BRD2: variants seen among roughly 807,000 people sequenced by gnomAD.
BRD2 encodes the protein bromodomain-containing protein 2.
BRD2 carries 15 observed loss-of-function variants against 79.1 expected under a neutral mutation model. The observed-to-expected ratio is 0.19, with a 90% CI of 0.13 to 0.29. The LOEUF (loss-of-function observed/expected upper bound fraction) is 0.29. BRD2 is among the 10% of genes least tolerant of loss of function. BRD2 has a pLI of 1.00. For synonymous variants in BRD2, 488 were observed against 358.6 expected (o/e 1.36, Z -4.08); for missense variants, 1,053 against 991.3 (o/e 1.06, Z -0.84).
chr6:32,979,061 G>GT (rs1561957386), intron 10 of BRD2: 1,403 of 78,900 alleles, frequency 0.018, 17 homozygotes, highest in Middle Eastern at 0.037. Flanking sequence ...TTTTTTGTTA[G>GT]TTTGTTTTTT....
intron 2 of BRD2, 117 bp downstream of exon 2, chr6:32,973,044 T>C (rs2127503719): frequency 6.2e-7 from 1 of 1,608,968 alleles, no homozygotes; most frequent in Admixed American, 1.7e-5. Flanking sequence ...GCGGCGCAGC[T>C]GTCGACTCGG....
rs1284075795 is a variant in BRD2 at position 32,981,316 on chromosome 6, G to C, written c.*598G>C. 4 of 152,038 alleles carry C rather than the reference G, an allele frequency of 2.6e-5. No individual in the cohort carries two copies. The highest frequency in any genetic ancestry group is 6.5e-5 in the Admixed American group (1 of 15,280). The allele number at this position is 152,038 out of a possible 1,614,324, so 9.4% of individuals were successfully genotyped here. A position where few individuals can be genotyped will look rare whatever the true frequency, so the allele number is the denominator to read the frequency against. ...ATAAAGAAAATATTATTCAAGTTTT[G>C]AGTTACCTTAATATTTGCTTTTGTA... On this transcript the variant is annotated 3_prime_UTR_variant, in exon 13 of 13. Transcript: ENST00000374825.
Position 32,978,141 on chromosome 6 carries a change from G to C in BRD2, c.1594G>C (p.Glu532Gln). The C allele has an allele frequency of 2.5e-6, 4 of 1,611,868 alleles. No individual in the cohort carries two copies. Among genetic ancestry groups the C allele is most frequent in the South Asian group, 1.1e-5 (1 of 90,966 alleles). ...ELQEQLRAVH[E>Q]QLAALSQGPI... is the part of the protein sequence containing the mutation. Reference sequence around the variant, plus strand: ...TTTCCTTTAGCTTCGGGCAGTACATGAACAACTGGCTGCTCTGTCCCAGGG... The same window carrying C: ...TTTCCTTTAGCTTCGGGCAGTACATCAACAACTGGCTGCTCTGTCCCAGGG... Residue 532 changes from glutamate (E) to glutamine (Q), a missense_variant, in exon 10 of 13, where the codon GAA becomes CAA. By Grantham distance (29) the Glu-to-Gln change is conservative (BLOSUM62 2). Transcript: ENST00000374825.
At position 32,976,103 on chromosome 6, in the gene BRD2, C is replaced by G. The variant is rs200486677; in HGVS notation, c.544C>G (p.Gln182Glu). ...IFLQKVASMP[Q>E]EEQELVVTIP... ...CCTACAGAAGGTTGCATCAATGCCACAAGAAGAACAAGAGCTGGTAGTGAC... is the reference window on the plus strand; with the variant it reads ...CCTACAGAAGGTTGCATCAATGCCAGAAGAAGAACAAGAGCTGGTAGTGAC... The change falls in exon 5 of 13, where the codon CAA (glutamine) becomes GAA (glutamate). Residue 182 changes from glutamine (Q) to glutamate (E), a missense_variant. Transcript: ENST00000374825. The G allele has an allele frequency of 2.5e-5, 41 of 1,612,846 alleles. No individual in the cohort carries two copies. The highest frequency in any genetic ancestry group is 3.5e-5 in the Non-Finnish European group (41 of 1,180,012).
chr6:32,969,072 T>G lies in BRD2; in HGVS notation c.-1305+16T>G. ...TAGGATCCAGGTGAGAAGGGGCCCT[T>G]GTGGGGCGGAGATGTCAGTCAAGTG... On this transcript the variant is annotated intron_variant, in intron 1 of 12. Transcript: ENST00000374825. The G allele has an allele frequency of 1.3e-5, 6 of 457,856 alleles. No homozygotes were observed. Among genetic ancestry groups the G allele is most frequent in the Non-Finnish European group, 1.2e-5 (3 of 250,178 alleles). 28.4% of individuals were successfully genotyped at this position (457,856 alleles called of 1,614,324 possible).
At chr6:32,973,889 C>T (rs1778364626) in intron 2 of BRD2, among the ~76,000 whole-genome samples, 2 of 152,094 alleles carry the variant, frequency 1.3e-5, no homozygotes, top group African/African-American at 4.8e-5. Flanking sequence ...TGATATGGTT[C>T]TTCCTCTGGG....
At position 32,974,755 on chromosome 6, in the gene BRD2, T is replaced by C. The variant is rs1778500133; in HGVS notation, c.323T>C (p.Leu108Pro). 2 of 1,613,632 alleles carry C rather than the reference T, an allele frequency of 1.2e-6. No individual in the cohort carries two copies. Among genetic ancestry groups the C allele is most frequent in the Non-Finnish European group, 8.5e-7 (1 of 1,179,800 alleles). The change falls in exon 3 of 13, where the codon CTG becomes CCG. Residue 108 changes from leucine (L) to proline (P), a missense_variant. By Grantham distance (98) the Leu-to-Pro change is moderately conservative (BLOSUM62 -3). Around this residue, in one of 5 missense-constraint regions of BRD2, gnomAD observed 413 missense variants for 335.1 expected, o/e 1.23. Coordinates refer to ENST00000374825, the MANE Select transcript of BRD2 (RefSeq NM_005104.4). ...PFRQPVDAVK[L>P]GLPDYHKIIK... ...CGGCAGCCTGTGGATGCTGTCAAACTGGGTCTACCGGTGAGTAGAGACATT... is the reference window on the plus strand; with the variant it reads ...CGGCAGCCTGTGGATGCTGTCAAACCGGGTCTACCGGTGAGTAGAGACATT...
chr6:32,973,256 G>T, intron 2 of BRD2: 2 of 1,135,310 alleles, frequency 1.8e-6, no homozygotes, highest in Admixed American at 2.3e-5. Flanking sequence ...CTGGTATCTA[G>T]CGGCGGTCTG....
rs548099697 is a variant in BRD2, at chr6:32,977,693, C to T, written c.1330-64C>T. ...ACAGTTGTAAATTGGAGCTATATCACTTGGTGGCTGGGTATGTAGGGCACT... is the reference window on the plus strand; with the variant it reads ...ACAGTTGTAAATTGGAGCTATATCATTTGGTGGCTGGGTATGTAGGGCACT... On this transcript the variant is annotated intron_variant, in intron 8 of 12. Coordinates refer to ENST00000374825, the MANE Select transcript of BRD2 (RefSeq NM_005104.4). 45 of 1,606,078 alleles carry T rather than the reference C, an allele frequency of 2.8e-5. No individual in the cohort carries two copies. The Admixed American group carries it at 3.0e-4, about 11-fold the overall frequency.
At position 32,980,103 on chromosome 6, in the gene BRD2, G is replaced by T; in HGVS notation, c.2117G>T (p.Cys706Phe). The T allele has an allele frequency of 6.2e-7, 1 of 1,612,250 alleles. No individual in the cohort carries two copies. The highest frequency in any genetic ancestry group is 8.5e-7 in the Non-Finnish European group (1 of 1,179,888). The change falls in exon 11 of 13, where the codon TGC (cysteine) becomes TTC (phenylalanine). Residue 706 changes from cysteine to phenylalanine, a missense_variant. Cys to Phe is a radical substitution (Grantham distance 205). Around this residue, in one of 5 missense-constraint regions of BRD2, gnomAD observed 139 missense variants for 133.2 expected, o/e 1.04. Coordinates refer to ENST00000374825, the MANE Select transcript of BRD2 (RefSeq NM_005104.4). Reference protein sequence around the residue: ...LRELERYVLSCLRKKPRKPYT... With the variant: ...LRELERYVLSFLRKKPRKPYT... ...GAGCTTGAGCGCTATGTCCTTTCCT[G>T]CCTACGTAAGAAACCCCGGAAGCCC...
chr6:32,973,139 T>C (rs1216502185), intron 2 of BRD2: 2 of 1,549,222 alleles, frequency 1.3e-6, no homozygotes, highest in Non-Finnish European at 1.7e-6. Context: ...GGTTGTCAAT[T>C]TATACGCTAT....
Position 32,972,056 on chromosome 6 carries a change from C to A in BRD2, c.-843C>A. On this transcript the variant is annotated 5_prime_UTR_variant, in exon 2 of 13. Coordinates refer to ENST00000374825, the MANE Select transcript of BRD2 (RefSeq NM_005104.4). ...CTCCCGCGGAGAGGTGTTCCTTCCC[C>A]TTCGACTCAGCTTCTTCACCCGCGT... is the stretch of plus-strand genomic sequence containing the variant. The A allele has an allele frequency of 1.4e-6, 1 of 700,460 alleles. No individual in the cohort carries two copies. Among genetic ancestry groups the A allele is most frequent in the Non-Finnish European group, 2.6e-6 (1 of 384,168 alleles). 43.4% of individuals were successfully genotyped at this position (700,460 alleles called of 1,614,324 possible). A position where few individuals can be genotyped will look rare whatever the true frequency, so the allele number is the denominator to read the frequency against.
At chr6:32,975,946 C>G in intron 4 of BRD2, 85 bp from the exon 5 acceptor site, 1 of 1,458,432 alleles carries the variant, frequency 6.9e-7, no homozygotes, top group Non-Finnish European at 9.2e-7. Flanking sequence ...TGGCCTAGGG[C>G]CTGAATGCCT....
Position 32,972,721 on chromosome 6 carries a change from C to T in BRD2, c.-178C>T. The T allele has an allele frequency of 1.1e-6, 1 of 905,292 alleles. No homozygotes were observed. Among genetic ancestry groups the T allele is most frequent in the Non-Finnish European group, 1.7e-6 (1 of 595,754 alleles). 56.1% of individuals were successfully genotyped at this position (905,292 alleles called of 1,614,324 possible). A position where few individuals can be genotyped will look rare whatever the true frequency, so the allele number is the denominator to read the frequency against. The stretch of plus-strand genomic sequence containing the variant: ...AGCGCGCCAAGCTGCCCGGAGCTCT[C>T]CGAGAGGCCCCAAAGAGACTGCTTT... On this transcript the variant is annotated 5_prime_UTR_variant, in exon 2 of 13. Coordinates refer to ENST00000374825, the MANE Select transcript of BRD2 (RefSeq NM_005104.4).
chr6:32,981,191 CTG>C lies in BRD2; in HGVS notation c.*475_*476del, dbSNP rs199828295. ...TTACGTTGATTTTTTTTTTTCTACTCTGTTTTCCCTTTTTCCTTCCGCTCCAT... is the reference window on the plus strand; with the variant it reads ...TTACGTTGATTTTTTTTTTTCTACTCTTTTCCCTTTTTCCTTCCGCTCCAT... On this transcript the variant is annotated 3_prime_UTR_variant, in exon 13 of 13. Coordinates refer to ENST00000374825, the MANE Select transcript of BRD2 (RefSeq NM_005104.4). 8.6e-3 allele frequency: 1,345 copies of C among 156,210 alleles called. 15 individuals carry two copies. The highest frequency in any genetic ancestry group is 0.029 in the African/African-American group (1,204 of 41,270). 9.7% of individuals were successfully genotyped at this position (156,210 alleles called of 1,614,324 possible). A position where few individuals can be genotyped will look rare whatever the true frequency, so the allele number is the denominator to read the frequency against.
intron 8 of BRD2, 26 bp downstream of exon 8, chr6:32,977,596 A>G: frequency 6.2e-7 from 1 of 1,613,086 alleles, no homozygotes; most frequent in Non-Finnish European, 8.5e-7. Flanking sequence ...GGAGTTTGAA[A>G]AATAAATGGT....
chr6:32,969,831 GCTCCC>G, intron 1 of BRD2, among the ~76,000 whole-genome samples: 1 of 152,276 alleles, frequency 6.6e-6, no homozygotes, highest in Middle Eastern at 3.4e-3. Flanking sequence ...TGATTTCACA[GCTCCC>G]AAGGTTTCGG....
intron 2 of BRD2, among the ~76,000 whole-genome samples, chr6:32,973,385 C>T (rs1479152665): frequency 1.3e-5 from 2 of 152,088 alleles, no homozygotes. Flanking sequence ...GATCACTCTC[C>T]CGTGTGTGCA....
chr6:32,977,978 T>C lies in BRD2; in HGVS notation c.1551T>C (p.Ala517=), dbSNP rs141740031. The change falls in exon 9 of 13, where the codon GCT becomes GCC. Residue 517 remains alanine, a synonymous_variant. Transcript: ENST00000374825. ...SESSDSEEER[A]HRLAELQEQL... The stretch of plus-strand genomic sequence containing the variant: ...GCTCAGACTCAGAGGAAGAAAGGGC[T>C]CATCGCTTAGCAGAACTACAGGAAC... 2 of 1,611,166 alleles carry C rather than the reference T, an allele frequency of 1.2e-6. No homozygotes were observed. The highest frequency in any genetic ancestry group is 2.7e-5 in the African/African-American group (2 of 74,916).
Sources: gnomAD v4.1 joint callset for allele counts (sites outside exome capture counted in the v4.1 genomes callset) on GRCh38, gnomAD v4.1.1 for gene constraint, gnomAD v4.1.1 regional missense constraint, MANE v1.5 for transcripts, NCBI Gene and HGNC (gene_info 2026-07-23, HGNC 2026-07-21) for gene names.